SNORC: variants seen among roughly 807,000 people sequenced by gnomAD.
The protein encoded by SNORC is secondary ossification center associated regulator of chondrocyte maturation, also known as protein SNORC.
Under a neutral mutation model 9.7 loss-of-function variants are expected in SNORC, and 11 were observed. That is an observed-to-expected ratio of 1.14 (90% confidence interval 0.72 to 1.88). The LOEUF is 1.88. SNORC is among the 40% of genes most tolerant of loss of function. The pLI is 0.00. For missense variants in SNORC, 197 were observed against 173.1 expected (o/e 1.14, Z -0.77); for synonymous variants, 108 against 88.7 (o/e 1.22, Z -1.22).
downstream of SNORC, chr2:232,876,657 C>A: frequency 9.9e-7 from 1 of 1,014,742 alleles, no homozygotes; most frequent in Non-Finnish European, 1.2e-6. The surrounding 1 kb of genome is among the most constrained non-coding windows in gnomAD (Gnocchi z 6.8). Flanking sequence ...CTCGGCGTCC[C>A]CGTGCACCAC....
At chr2:232,870,767 C>T (rs530593036) in intron 1 of SNORC, among the ~76,000 whole-genome samples, 1 of 152,176 alleles carries the variant, frequency 6.6e-6, no homozygotes, top group South Asian at 2.1e-4. Context: ...AGGCACAGGA[C>T]AAGCAGCTGA....
downstream of SNORC, chr2:232,876,685 A>G (rs1236223950): frequency 2.4e-5 from 24 of 996,464 alleles, no homozygotes; most frequent in East Asian, 2.5e-3. This position sits in a 1 kb window ranked among gnomAD's most constrained non-coding sequence, Gnocchi z 6.8. Context: ...GTGCCTCAGG[A>G]GCGCGCCGCA....
At chr2:232,873,996 G>A (rs1470708698) in intron 1 of SNORC, among the ~76,000 whole-genome samples, 1 of 152,220 alleles carries the variant, frequency 6.6e-6, no homozygotes, top group African/African-American at 2.4e-5. Context: ...GTTCTGCCTT[G>A]GGCCAGCCCT....
chr2:232,876,963 G>T, downstream of SNORC: 1 of 985,462 alleles, frequency 1.0e-6, no homozygotes, highest in Non-Finnish European at 1.2e-6. The surrounding 1 kb of genome is among the most constrained non-coding windows in gnomAD (Gnocchi z 6.8). Flanking sequence ...AGACCCCGGG[G>T]CCCGCCGCTC....
At chr2:232,877,107 C>G (rs952153891), downstream of SNORC, 5 of 986,028 alleles carry the variant, frequency 5.1e-6, no homozygotes, top group Middle Eastern at 5.2e-4. Flanking sequence ...AGCCCCAAGC[C>G]CCCCTCTGCC....
rs766477716 is a variant in SNORC at position 232,870,464 on chromosome 2, A to G, written c.73+50A>G. 2.7e-5 allele frequency: 41 copies of G among 1,505,288 alleles called. No homozygotes were observed. In the Middle Eastern group the frequency reaches 8.5e-4, roughly 31 times the overall value. 93.2% of individuals were successfully genotyped at this position (1,505,288 alleles called of 1,614,324 possible). A position where few individuals can be genotyped will look rare whatever the true frequency, so the allele number is the denominator to read the frequency against. ...AGCCACCACTAGCCTCCCAGGGCCG[A>G]TAACTACCTTGGGGCCAGATTCTTC... On this transcript the variant is annotated intron_variant, in intron 1 of 2. Coordinates refer to ENST00000331342, the Ensembl canonical transcript of SNORC.
At chr2:232,877,145 G>A (rs931997011), downstream of SNORC, 122 of 985,506 alleles carry the variant, frequency 1.2e-4, no homozygotes, top group Middle Eastern at 5.2e-4. Flanking sequence ...AGGATGAGTC[G>A]AGAGTCGACG....
chr2:232,873,423 C>T (rs1472162461), intron 1 of SNORC, among the ~76,000 whole-genome samples: 1 of 151,996 alleles, frequency 6.6e-6, no homozygotes, highest in Non-Finnish European at 1.5e-5. Flanking sequence ...CAGAGGGTAC[C>T]GTCAAGGGTG....
upstream of SNORC, among the ~76,000 whole-genome samples, chr2:232,867,573 A>G (rs192785076): frequency 6.6e-6 from 1 of 152,324 alleles, no homozygotes; most frequent in East Asian, 1.9e-4. Flanking sequence ...TCTTAATTTT[A>G]TCTTTGAAAT....
At chr2:232,875,422 A>G (rs1222334454) in intron 1 of SNORC, 2 of 340,472 alleles carry the variant, frequency 5.9e-6, no homozygotes, top group Non-Finnish European at 1.3e-5. Flanking sequence ...GCTGGGCTGG[A>G]GAGGCCAAGA....
intron 1 of SNORC, among the ~76,000 whole-genome samples, chr2:232,872,588 A>G (rs1691069573): frequency 6.6e-6 from 1 of 152,132 alleles, no homozygotes; most frequent in Admixed American, 6.5e-5. Context: ...CATTACCGCC[A>G]TGGAACTTTC....
At chr2:232,868,150 CTT>C (rs35855568), upstream of SNORC, among the ~76,000 whole-genome samples, 2,282 of 129,946 alleles carry the variant, frequency 0.018, 53 homozygotes, top group African/African-American at 0.061. Context: ...GTCATTTCAT[CTT>C]TTTTTTTTTT....
intron 1 of SNORC, among the ~76,000 whole-genome samples, chr2:232,874,092 C>G (rs997805158): frequency 6.6e-6 from 1 of 152,178 alleles, no homozygotes; most frequent in Admixed American, 6.5e-5. Context: ...TGAGAGAGGC[C>G]CAGAAGCCAG....
At position 232,875,933 on chromosome 2, in the gene SNORC, T is replaced by C. The variant is rs1203061504; in HGVS notation, c.74-7T>C. The C allele has an allele frequency of 6.5e-7, 1 of 1,548,476 alleles. No individual in the cohort carries two copies. The highest frequency in any genetic ancestry group is 2.0e-5 in the Admixed American group (1 of 51,186). ...TGGGGCCCCAGCACCTCTCCTTGGC[T>C]TTGCAGACGATGTTCCACAGGAGCC... is the stretch of plus-strand genomic sequence containing the variant. On this transcript the variant is annotated splice_polypyrimidine_tract_variant and splice_region_variant and intron_variant, in intron 1 of 2. Transcript: ENST00000331342.
At chr2:232,876,644 C>A (rs1440304060), downstream of SNORC, 1 of 1,026,364 alleles carries the variant, frequency 9.7e-7, no homozygotes, top group African/African-American at 1.7e-5. This position sits in a 1 kb window ranked among gnomAD's most constrained non-coding sequence, Gnocchi z 6.8. Context: ...CAGGGCCGCG[C>A]GGCTCGGCGT....
At chr2:232,876,577 G>C, downstream of SNORC, 1 of 1,152,718 alleles carries the variant, frequency 8.7e-7, no homozygotes, top group Non-Finnish European at 1.1e-6. This position sits in a 1 kb window ranked among gnomAD's most constrained non-coding sequence, Gnocchi z 6.8. Flanking sequence ...GCCGGGGCGT[G>C]CGTGAGCGCA....
downstream of SNORC, chr2:232,877,030 G>C: frequency 1.0e-6 from 1 of 985,608 alleles, no homozygotes; most frequent in Non-Finnish European, 1.2e-6. Flanking sequence ...CAGAGGCCGC[G>C]TGGTTTTGGG....
At chr2:232,873,203 C>T (rs1004078383) in intron 1 of SNORC, among the ~76,000 whole-genome samples, 7 of 152,246 alleles carry the variant, frequency 4.6e-5, no homozygotes, top group Non-Finnish European at 7.3e-5. Context: ...CCCCGTCTTA[C>T]AGGTCAGGAA....
intron 1 of SNORC, among the ~76,000 whole-genome samples, chr2:232,870,935 G>A (rs1001607974): frequency 2.0e-5 from 3 of 152,200 alleles, no homozygotes; most frequent in South Asian, 2.1e-4. Context: ...TCTGCAAAAC[G>A]GTGTGGACCT....
Sources: gnomAD v4.1 joint callset for allele counts (sites outside exome capture counted in the v4.1 genomes callset) on GRCh38, gnomAD v4.1.1 for gene constraint, Gnocchi (gnomAD v3.1) non-coding constraint, MANE v1.5 for transcripts, NCBI Gene and HGNC (gene_info 2026-07-23, HGNC 2026-07-21) for gene names.